GRID1: variants seen among roughly 807,000 people sequenced by gnomAD.
The protein encoded by GRID1 is glutamate ionotropic receptor delta type subunit 1.
A neutral mutation model predicts 98.0 loss-of-function variants in GRID1; 28 were observed. The ratio of observed to expected loss-of-function variants is 0.29; its 90% confidence interval spans 0.21 to 0.39. The LOEUF (loss-of-function observed/expected upper bound fraction) is 0.39. GRID1 is among the 10% of genes least tolerant of loss of function. GRID1 has a pLI of 1.00. For synonymous variants in GRID1, 553 were observed against 538.5 expected (o/e 1.03, Z -0.37); for missense variants, 1,111 against 1,340.5 (o/e 0.83, Z 2.67).
chr10:85,899,526 G>A (rs1044197620), intron 5 of GRID1, among the ~76,000 whole-genome samples: 1 of 152,142 alleles, frequency 6.6e-6, no homozygotes, highest in African/African-American at 2.4e-5. Flanking sequence ...AGGGCAGAAA[G>A]GAAGCAATCC....
intron 8 of GRID1, among the ~76,000 whole-genome samples, chr10:85,807,695 C>A (rs184800571): frequency 6.6e-6 from 1 of 151,718 alleles, no homozygotes; most frequent in Admixed American, 6.6e-5. Flanking sequence ...TACATTCTCT[C>A]GAGTGGCATA....
intron 4 of GRID1, among the ~76,000 whole-genome samples, chr10:86,097,353 T>A (rs1003805012): frequency 2.6e-5 from 4 of 152,194 alleles, no homozygotes; most frequent in African/African-American, 9.6e-5. Context: ...GCAATGCAAA[T>A]TAAAAGAGGA....
chr10:85,894,361 T>C (rs892923344), intron 5 of GRID1, among the ~76,000 whole-genome samples: 1 of 152,286 alleles, frequency 6.6e-6, no homozygotes, highest in East Asian at 1.9e-4. Flanking sequence ...AAAATCAATA[T>C]GCTGAGTGAA....
At chr10:86,066,207 C>A (rs887176954) in intron 4 of GRID1, among the ~76,000 whole-genome samples, 1 of 152,176 alleles carries the variant, frequency 6.6e-6, no homozygotes, top group African/African-American at 2.4e-5. Flanking sequence ...CATCCCCCAG[C>A]CCGGCAGCCC....
At chr10:85,616,990 A>G (rs1842797191) in intron 14 of GRID1, among the ~76,000 whole-genome samples, 1 of 152,156 alleles carries the variant, frequency 6.6e-6, no homozygotes, top group African/African-American at 2.4e-5. Context: ...ACACACACAT[A>G]CATCTACATC....
chr10:86,345,962 T>G (rs1489851055), intron 2 of GRID1, among the ~76,000 whole-genome samples: 1 of 152,166 alleles, frequency 6.6e-6, no homozygotes, highest in Non-Finnish European at 1.5e-5. Context: ...GTTCCACACT[T>G]AAGACTCAGC....
intron 4 of GRID1, among the ~76,000 whole-genome samples, chr10:85,961,125 A>C (rs1350767909): frequency 2.6e-5 from 4 of 152,180 alleles, no homozygotes; most frequent in African/African-American, 9.7e-5. Flanking sequence ...TACTCTGAAC[A>C]GAACAGAGTG....
chr10:85,642,156 A>G (rs1843128513), intron 13 of GRID1, among the ~76,000 whole-genome samples: 1 of 152,224 alleles, frequency 6.6e-6, no homozygotes, highest in African/African-American at 2.4e-5. Context: ...CTTTATCACA[A>G]CTACTCAACT....
chr10:85,957,164 C>T lies in GRID1; in HGVS notation c.727-40925G>A, dbSNP rs770699857. On this transcript the variant is annotated intron_variant, in intron 4 of 15. Coordinates refer to ENST00000327946, the MANE Select transcript of GRID1 (RefSeq NM_017551.3). ...CTCCCACGAGGTCCCTCCCCCAACACGTGGGGATTACAATTCGGATTACAA... is the reference window on the plus strand; with the variant it reads ...CTCCCACGAGGTCCCTCCCCCAACATGTGGGGATTACAATTCGGATTACAA... Among the ~76,000 whole-genome samples, 11 of 152,266 alleles carry T rather than the reference C, an allele frequency of 7.2e-5. No homozygotes were observed. The South Asian group carries it at 1.7e-3, about 23-fold the overall frequency.
chr10:85,799,816 A>G (rs1356959787), intron 8 of GRID1, among the ~76,000 whole-genome samples: 1 of 152,092 alleles, frequency 6.6e-6, no homozygotes, highest in African/African-American at 2.4e-5. Flanking sequence ...GGGTGACTAC[A>G]GTTAAAGATA....
At chr10:86,236,954 G>C (rs565452210) in intron 2 of GRID1, among the ~76,000 whole-genome samples, 1 of 152,278 alleles carries the variant, frequency 6.6e-6, no homozygotes, top group South Asian at 2.1e-4. Context: ...CTGCTGCTGG[G>C]AGGTAGACGT....
At chr10:85,696,164 G>A (rs1474679187) in intron 12 of GRID1, among the ~76,000 whole-genome samples, 1 of 152,000 alleles carries the variant, frequency 6.6e-6, no homozygotes, top group Non-Finnish European at 1.5e-5. Context: ...CTACAATAGG[G>A]GAAATACAAA....
At chr10:85,913,319 G>C (rs1463409936) in intron 5 of GRID1, among the ~76,000 whole-genome samples, 2 of 152,154 alleles carry the variant, frequency 1.3e-5, no homozygotes, top group Non-Finnish European at 2.9e-5. Flanking sequence ...TCCTCAAATA[G>C]GATCCCAGAT....
intron 2 of GRID1, among the ~76,000 whole-genome samples, chr10:86,306,158 A>G (rs184597483): frequency 4.6e-5 from 7 of 152,348 alleles, no homozygotes; most frequent in Non-Finnish European, 1.0e-4. Flanking sequence ...GCTTTGGGCA[A>G]ACAAGTGGGT....
intron 8 of GRID1, among the ~76,000 whole-genome samples, chr10:85,778,727 G>C (rs1212790332): frequency 6.6e-6 from 1 of 152,182 alleles, no homozygotes; most frequent in Admixed American, 6.5e-5. Context: ...GACAGAAAAA[G>C]TATACAAAAA....
chr10:86,234,284 A>G (rs1306550263), intron 2 of GRID1, among the ~76,000 whole-genome samples: 1 of 152,226 alleles, frequency 6.6e-6, no homozygotes, highest in Non-Finnish European at 1.5e-5. Flanking sequence ...ATTGAGAAAC[A>G]AACATCGGGC....
At position 85,869,199 on chromosome 10, in the gene GRID1, C is replaced by A; in HGVS notation, c.781-19G>T. ...TGATTTCCTAGAAAAATAACCAGGC[C>A]CATGCTTACCATCCACTCATGAACT... On this transcript the variant is annotated intron_variant, in intron 5 of 15. Transcript: ENST00000327946. The A allele has an allele frequency of 6.2e-7, 1 of 1,605,284 alleles. No individual in the cohort carries two copies. The highest frequency in any genetic ancestry group is 8.5e-7 in the Non-Finnish European group (1 of 1,172,106).
intron 12 of GRID1, among the ~76,000 whole-genome samples, chr10:85,671,073 T>C (rs1841079978): frequency 6.6e-6 from 1 of 152,182 alleles, no homozygotes. Flanking sequence ...AAAGTCTTAG[T>C]ACTCTTTAAT....
At chr10:86,016,836 A>G (rs1348574758) in intron 4 of GRID1, among the ~76,000 whole-genome samples, 3 of 152,152 alleles carry the variant, frequency 2.0e-5, no homozygotes, top group East Asian at 3.9e-4. Flanking sequence ...CCAGAACCAC[A>G]TGGTTGAGGG....
Sources: gnomAD v4.1 joint callset for allele counts (sites outside exome capture counted in the v4.1 genomes callset) on GRCh38, gnomAD v4.1.1 for gene constraint, MANE v1.5 for transcripts, NCBI Gene and HGNC (gene_info 2026-07-23, HGNC 2026-07-21) for gene names.